The following TENT5D variants were observed in gnomAD, a reference collection of about 807,000 sequenced individuals.
TENT5D encodes terminal nucleotidyltransferase 5D.
For synonymous variants in TENT5D, 103 were observed against 100.6 expected (o/e 1.02, Z -0.15); for missense variants, 191 against 287.0 (o/e 0.67, Z 2.42).
chrX:80,411,113 A>AG (rs1931654261), intron 3 of TENT5D, among the ~76,000 whole-genome samples: 1 of 54,757 alleles, frequency 1.8e-5, no homozygotes, highest in Non-Finnish European at 3.2e-5. Context: ...GGGAGGGGGG[A>AG]GGGATAGCAT....
At chrX:80,410,031 G>A (rs1477584034) in intron 3 of TENT5D, among the ~76,000 whole-genome samples, 1 of 105,728 alleles carries the variant, frequency 9.5e-6, no homozygotes, top group Non-Finnish European at 2.0e-5. Context: ...GGGAAAACTG[G>A]CTAGCCATAT....
At chrX:80,381,602 T>G (rs1287299230) in intron 3 of TENT5D, among the ~76,000 whole-genome samples, 2 of 112,172 alleles carry the variant, frequency 1.8e-5, no homozygotes, top group East Asian at 5.6e-4. Flanking sequence ...GCCAATCAAA[T>G]GTAGATTTGG....
rs1360194451 is a variant in TENT5D at position 80,378,604 on chromosome X, T to C, written c.-142+36040T>C. 2.7e-5 allele frequency among the ~76,000 whole-genome samples: 3 copies of C among 111,326 alleles called. No homozygotes were observed. In the Admixed American group the frequency reaches 2.9e-4, roughly 11 times the overall value. ...AGATGGCTGTAGATGTCTGGTGTTA[T>C]TTCTGAGGCCTTGGTTCTGTTCCAT... is the stretch of plus-strand genomic sequence containing the variant. On this transcript the variant is annotated intron_variant, in intron 3 of 4. Transcript: ENST00000538312.
chrX:80,403,976 G>A (rs1439473848), intron 3 of TENT5D, among the ~76,000 whole-genome samples: 1 of 111,464 alleles, frequency 9.0e-6, no homozygotes, highest in Admixed American at 9.6e-5. Flanking sequence ...GATGTACATT[G>A]GTTTGGTCCG....
chrX:80,403,581 T>G (rs975061019), intron 3 of TENT5D, among the ~76,000 whole-genome samples: 4 of 112,411 alleles, frequency 3.6e-5, no homozygotes, highest in Non-Finnish European at 7.5e-5. Context: ...CTTTATAAGA[T>G]GTTTAGAGTA....
chrX:80,355,298 G>C (rs1930261282), intron 3 of TENT5D, among the ~76,000 whole-genome samples: 1 of 111,802 alleles, frequency 8.9e-6, no homozygotes, highest in African/African-American at 3.3e-5. Context: ...AGACTGTTTT[G>C]CAAGTGGGTA....
intron 3 of TENT5D, among the ~76,000 whole-genome samples, chrX:80,396,650 C>G (rs1027588233): frequency 9.2e-6 from 1 of 108,125 alleles, no homozygotes; most frequent in South Asian, 4.2e-4. Flanking sequence ...CAGAACAAAA[C>G]GAAAAGTCTC....
chrX:80,376,371 C>A (rs778388638), intron 3 of TENT5D, among the ~76,000 whole-genome samples: 1 of 110,947 alleles, frequency 9.0e-6, no homozygotes, highest in Non-Finnish European at 1.9e-5. Context: ...ATAATTATGT[C>A]TTTTATTTAA....
chrX:80,350,801 C>T (rs1930161662), intron 3 of TENT5D, among the ~76,000 whole-genome samples: 1 of 111,376 alleles, frequency 9.0e-6, no homozygotes, highest in Admixed American at 9.6e-5. Flanking sequence ...TTTTCCTTTC[C>T]GTATTTAGTG....
intron 3 of TENT5D, among the ~76,000 whole-genome samples, chrX:80,388,163 A>G (rs1931057240): frequency 9.0e-6 from 1 of 110,557 alleles, no homozygotes; most frequent in Non-Finnish European, 1.9e-5. Flanking sequence ...AGGTCCATAA[A>G]TGCTGTCCAA....
intron 1 of TENT5D, among the ~76,000 whole-genome samples, chrX:80,428,918 G>C (rs1039410539): frequency 8.9e-6 from 1 of 111,821 alleles, no homozygotes. Context: ...AGCCCTTCAC[G>C]ATTGTGCAGT....
intron 3 of TENT5D, among the ~76,000 whole-genome samples, chrX:80,404,653 C>G (rs942331323): frequency 1.8e-5 from 2 of 111,880 alleles, no homozygotes; most frequent in South Asian, 7.4e-4. Flanking sequence ...ATTTCTGGCC[C>G]TGTGTTTCAC....
At chrX:80,444,258 C>T (rs1444920174) in exon 3 of TENT5D, 1 of 122,268 alleles carries the variant, frequency 8.2e-6, no homozygotes, top group East Asian at 2.8e-4. Context: ...ACTTTTCAAG[C>T]ATTTTTTTTT....
At chrX:80,341,751 G>A (rs1303934708) in intron 2 of TENT5D, among the ~76,000 whole-genome samples, 1 of 91,240 alleles carries the variant, frequency 1.1e-5, no homozygotes, top group African/African-American at 4.2e-5. Flanking sequence ...TCGCTCTGTC[G>A]CCCAGGCTGG....
upstream of TENT5D, among the ~76,000 whole-genome samples, chrX:80,415,493 A>C (rs2147556302): frequency 9.0e-6 from 1 of 111,683 alleles, no homozygotes; most frequent in African/African-American, 3.2e-5. Flanking sequence ...TAGTTTATTA[A>C]GATTTTTTAA....
rs190717234 is a variant in TENT5D, at chrX:80,357,554, T to C, written c.-142+14990T>C. On this transcript the variant is annotated intron_variant, in intron 3 of 4. Coordinates refer to the TENT5D transcript ENST00000538312. ...TTCATGTGTTTTTTGGCCGCATAAA[T>C]GTCTTCTTTTGAGAAGTATCTGTTC... 4.5e-3 allele frequency among the ~76,000 whole-genome samples: 504 copies of C among 111,705 alleles called. 1 individual carries two copies. Among genetic ancestry groups the C allele is most frequent in the Non-Finnish European group, 7.9e-3 (419 of 53,132 alleles).
chrX:80,392,052 G>T (rs1035875248), intron 3 of TENT5D, among the ~76,000 whole-genome samples: 1 of 112,210 alleles, frequency 8.9e-6, no homozygotes, highest in African/African-American at 3.2e-5. Context: ...TACCTGGAAA[G>T]AATTACTTCA....
rs185651061 is a variant in TENT5D, at chrX:80,357,868, G to A, written c.-142+15304G>A. On this transcript the variant is annotated intron_variant, in intron 3 of 4. Transcript: ENST00000538312. ...GCCTGCATTGCCAAGTCAATTCTAA[G>A]CAAAACGAACAACGCTGGAGGCATC... is the stretch of plus-strand genomic sequence containing the variant. Among the ~76,000 whole-genome samples the A allele has an allele frequency of 3.6e-5, 4 of 111,688 alleles. No individual in the cohort carries two copies. In the East Asian group the frequency reaches 1.1e-3, roughly 31 times the overall value.
chrX:80,443,529 G>A (rs1932329076), exon 3 of TENT5D: 1 of 1,208,947 alleles, frequency 8.3e-7, no homozygotes, highest in Non-Finnish European at 1.1e-6. Flanking sequence ...TGATGGCTTT[G>A]AAAGTACTTG....
Sources: gnomAD v4.1 joint callset for allele counts (sites outside exome capture counted in the v4.1 genomes callset) on GRCh38, gnomAD v4.1.1 for gene constraint, MANE v1.5 for transcripts, NCBI Gene and HGNC (gene_info 2026-07-23, HGNC 2026-07-21) for gene names.